The following PSG5 variants were observed in gnomAD, a reference collection of about 807,000 sequenced individuals.
PSG5 encodes pregnancy-specific beta-1-glycoprotein 5.
PSG5 carries 53 observed loss-of-function variants against 37.7 expected under a neutral mutation model. The ratio of observed to expected loss-of-function variants is 1.41; its 90% CI spans 1.13 to 1.77. The LOEUF (loss-of-function observed/expected upper bound fraction) is 1.77, where lower values mean the gene tolerates loss of function less well. Among genes scored for constraint, PSG5 ranks in the 40% most tolerant of loss-of-function variants. The probability of loss-of-function intolerance (pLI) is 0.00; values close to 1 mark genes in which losing one functional copy is unlikely to be tolerated. For synonymous variants in PSG5, 221 were observed against 155.4 expected, an observed-to-expected ratio of 1.42 and a Z score of -3.14; for missense variants, 547 against 405.2, an observed-to-expected ratio of 1.35 and a Z score of -3.00.
At position 43,175,390 on chromosome 19, in the gene PSG5, C is replaced by T. The variant is rs115899387; in HGVS notation, c.789G>A (p.Ala263=). Residue 263 remains alanine, a synonymous_variant, in exon 4 of 6, where the codon GCG becomes GCA. Transcript: ENST00000342951. ...SGENLYLSCF[A]ESNPPAEYFW... is the part of the protein sequence containing the mutation. Reference sequence around the variant, plus strand: ...AATACTCTGCCGGTGGGTTAGATTCCGCGAAGCAGGACAAGTAGAGGTTTT... The same window carrying T: ...AATACTCTGCCGGTGGGTTAGATTCTGCGAAGCAGGACAAGTAGAGGTTTT... The T allele has an allele frequency of 6.3e-4, 1,021 of 1,612,764 alleles. 39 individuals carry two copies. The African/African-American group carries it at 0.012, about 19-fold the overall frequency.
intron 2 of PSG5, among the ~76,000 whole-genome samples, chr19:43,180,057 C>T (rs1189260074): frequency 2.6e-5 from 4 of 151,678 alleles, no homozygotes; most frequent in Non-Finnish European, 4.4e-5. Context: ...GGATATTAGA[C>T]CAATATTTGG....
intron 2 of PSG5, among the ~76,000 whole-genome samples, chr19:43,176,920 G>A (rs1413459220): frequency 1.3e-5 from 2 of 151,472 alleles, no homozygotes; most frequent in African/African-American, 2.4e-5. Context: ...CAGAGGGCAG[G>A]TGAGGACCAT....
intron 5 of PSG5, 157 bp downstream of exon 5, chr19:43,169,898 G>C (rs1441898284): frequency 4.2e-6 from 2 of 474,510 alleles, no homozygotes; most frequent in Admixed American, 3.0e-5. Context: ...ATAAAGGCCA[G>C]GGAGAAAGGG....
At chr19:43,173,136 C>G (rs1968938182) in intron 4 of PSG5, among the ~76,000 whole-genome samples, 1 of 151,634 alleles carries the variant, frequency 6.6e-6, no homozygotes, top group Admixed American at 6.6e-5. Flanking sequence ...GGACAGTGTT[C>G]TCACCAAATG....
intron 1 of PSG5, among the ~76,000 whole-genome samples, chr19:43,185,437 C>T (rs896036163): frequency 2.0e-5 from 3 of 150,298 alleles, no homozygotes; most frequent in Non-Finnish European, 4.5e-5. Flanking sequence ...GCACCCCCCC[C>T]CCCCCACACT....
chr19:43,183,244 G>A (rs75773921), intron 2 of PSG5: 67,368 of 334,976 alleles, frequency 0.2, 8,079 homozygotes, highest in Non-Finnish European at 0.26. Context: ...CTTCAGAGTT[G>A]CATGAGGTGG....
At chr19:43,174,720 A>G (rs1968968762) in intron 4 of PSG5, 1 of 1,027,950 alleles carries the variant, frequency 9.7e-7, no homozygotes, top group Non-Finnish European at 1.2e-6. Context: ...CCCAGTCACC[A>G]GAGAAGCATG....
intron 3 of PSG5, 121 bp downstream of exon 3, chr19:43,175,749 G>T: frequency 6.5e-7 from 1 of 1,538,482 alleles, no homozygotes; most frequent in Non-Finnish European, 8.8e-7. Context: ...GTCATGGCCA[G>T]CTCAGATGTC....
At chr19:43,175,839 C>T (rs1399642801) in intron 3 of PSG5, 31 bp downstream of exon 3, 2 of 1,609,998 alleles carry the variant, frequency 1.2e-6, no homozygotes, top group South Asian at 1.1e-5. Context: ...AAGCTGGTGT[C>T]CTGGCCCACA....
In PSG5 at chr19:43,175,309, T is replaced by C. The variant is rs144454420; in HGVS notation, c.870A>G (p.Gln290=). The C allele has an allele frequency of 5.6e-6, 9 of 1,612,606 alleles. No homozygotes were observed. Among genetic ancestry groups the C allele is most frequent in the African/African-American group, 4.0e-5 (3 of 74,560 alleles). ...QQSGQKLSIP[Q]ITTKHRGLYT... is the part of the protein sequence containing the mutation. ...AGAGCCCTCTATGCTTTGTAGTAAT[T>C]TGGGGGATAGAGAGCTTTTGTCCTG... The change falls in exon 4 of 6, where the codon CAA becomes CAG. Residue 290 remains glutamine (Q), a synonymous_variant. Transcript: ENST00000342951.
At chr19:43,174,928 T>A in intron 4 of PSG5, 1 of 1,281,072 alleles carries the variant, frequency 7.8e-7, no homozygotes. Context: ...TTGAGGACTC[T>A]CCTTCTCATC....
In PSG5 at chr19:43,174,821, G is replaced by A. The variant is rs547269912; in HGVS notation, c.964+394C>T. The stretch of plus-strand genomic sequence containing the variant: ...GGGGGAAAAGTGTGAGCTTGTTTCA[G>A]AGCCTCAGATGTTCCTTGTAGCTCA... On this transcript the variant is annotated intron_variant, in intron 4 of 5. Transcript: ENST00000342951. 297 of 1,170,712 alleles carry A rather than the reference G, an allele frequency of 2.5e-4. 5 individuals are homozygous for A. Among genetic ancestry groups the A allele is most frequent in the East Asian group, 1.9e-3 (64 of 34,358 alleles). 72.5% of individuals were successfully genotyped at this position (1,170,712 alleles called of 1,614,324 possible). A position where few individuals can be genotyped will look rare whatever the true frequency, so the allele number is the denominator to read the frequency against.
At chr19:43,183,116 G>C (rs988326712) in intron 2 of PSG5, among the ~76,000 whole-genome samples, 1 of 151,098 alleles carries the variant, frequency 6.6e-6, no homozygotes, top group Admixed American at 6.6e-5. Context: ...CAGAGGCAGA[G>C]ACACCATGGC....
At chr19:43,180,185 G>A (rs1313267296) in intron 2 of PSG5, among the ~76,000 whole-genome samples, 2 of 151,560 alleles carry the variant, frequency 1.3e-5, no homozygotes, top group Non-Finnish European at 2.9e-5. Context: ...TAGAATAGTA[G>A]TTTGCAGGAG....
chr19:43,176,048 G>A lies in PSG5; in HGVS notation c.531C>T (p.Thr177=), dbSNP rs371838856. 6.2e-7 allele frequency: 1 copy of A among 1,611,074 alleles called. No individual in the cohort carries two copies. ...FTCEPKSENY[T]YIWWLNGQSL... ...TCTGACCATTTAGCCACCAAATGTA[G>A]GTGTAGTTCTCACTCTTAGGTTCAC... Residue 177 remains threonine (T), a synonymous_variant, in exon 3 of 6, where the codon ACC becomes ACT. Coordinates refer to ENST00000342951, the MANE Select transcript of PSG5 (RefSeq NM_002781.4).
intron 1 of PSG5, 127 bp downstream of exon 1, chr19:43,186,215 A>G: frequency 6.7e-7 from 1 of 1,498,886 alleles, no homozygotes. Context: ...TGATCTCATA[A>G]TCCACCCACC....
rs560176634 is a variant in PSG5, at chr19:43,177,113, A to C, written c.431-965T>G. On this transcript the variant is annotated intron_variant, in intron 2 of 5. Coordinates refer to ENST00000342951, the MANE Select transcript of PSG5 (RefSeq NM_002781.4). The stretch of plus-strand genomic sequence containing the variant: ...ACTGGACATTCTACTCTCTGATTCC[A>C]TGGATTCGACTACTCTAGGGACCTC... Among the ~76,000 whole-genome samples the C allele has an allele frequency of 5.5e-3, 833 of 151,708 alleles. 28 individuals carry two copies. The highest frequency in any genetic ancestry group is 0.035 in the South Asian group (171 of 4,820).
chr19:43,185,917 G>A (rs1170411493), intron 1 of PSG5, among the ~76,000 whole-genome samples: 1 of 148,798 alleles, frequency 6.7e-6, no homozygotes, highest in African/African-American at 2.5e-5. Flanking sequence ...CCTCTCTGGT[G>A]TATTTTACCC....
At position 43,185,049 on chromosome 19, in the gene PSG5, C is replaced by T. The variant is rs771257107; in HGVS notation, c.163G>A (p.Val55Ile). 5.0e-6 allele frequency: 8 copies of T among 1,612,380 alleles called. No individual in the cohort carries two copies. In the Admixed American group the frequency reaches 1.3e-4, roughly 27 times the overall value. Residue 55 changes from valine to isoleucine, a missense_variant, in exon 2 of 6, where the codon GTC becomes ATC. Physicochemically the swap from Val to Ile is conservative, Grantham distance 29 (BLOSUM62 3). Transcript: ENST00000342951. The part of the protein sequence containing the change: ...VSEGKDVLLL[V>I]HNLPQNLAGY... ...GCAAGATTCTGAGGCAAATTGTGGACAAGTAGAAGAACATCCTTCCCCTCG... is the reference window on the plus strand; with the variant it reads ...GCAAGATTCTGAGGCAAATTGTGGATAAGTAGAAGAACATCCTTCCCCTCG...
Sources: gnomAD v4.1 joint callset for allele counts (sites outside exome capture counted in the v4.1 genomes callset) on GRCh38, gnomAD v4.1.1 for gene constraint, MANE v1.5 for transcripts, NCBI Gene and HGNC (gene_info 2026-07-23, HGNC 2026-07-21) for gene names.